The following CACNA2D1 variants were observed in gnomAD, a reference collection of about 807,000 sequenced individuals.
CACNA2D1 encodes voltage-dependent calcium channel subunit alpha-2/delta-1.
CACNA2D1 carries 53 observed loss-of-function variants against 171.5 expected under a neutral mutation model. The observed-to-expected ratio is 0.31, with a 90% CI of 0.25 to 0.39. The LOEUF (loss-of-function observed/expected upper bound fraction) is 0.39, where lower values mean the gene tolerates loss of function less well. Among genes scored for constraint, CACNA2D1 ranks in the 10% least tolerant of loss-of-function variants. CACNA2D1 has a pLI of 1.00. For synonymous variants in CACNA2D1, 442 were observed against 443.1 expected, an observed-to-expected ratio of 1.00 and a Z score of 0.03; for missense variants, 903 against 1,299.8, an observed-to-expected ratio of 0.69 and a Z score of 4.69.
At chr7:82,315,897 C>T (rs1815058708) in intron 3 of CACNA2D1, among the ~76,000 whole-genome samples, 1 of 151,810 alleles carries the variant, frequency 6.6e-6, no homozygotes, top group African/African-American at 2.4e-5. Context: ...TTAATCACTG[C>T]TTACATTTTG....
chr7:82,407,853 G>GA lies in CACNA2D1; in HGVS notation c.95+35511dup, dbSNP rs546723573. On this transcript the variant is annotated intron_variant, in intron 1 of 38. Coordinates refer to ENST00000356860, the MANE Select transcript of CACNA2D1 (RefSeq NM_000722.4). ...TGATATAGCCCATCTATCCCTGATA[G>GA]ATTAGGGATTCTATGCCTAATAGAT... Among the ~76,000 whole-genome samples, 509 of 152,130 alleles carry GA rather than the reference G, an allele frequency of 3.3e-3. 2 individuals carry two copies. The highest frequency in any genetic ancestry group is 0.012 in the African/African-American group (489 of 41,494).
At chr7:82,235,305 T>G (rs1017342198) in intron 3 of CACNA2D1, among the ~76,000 whole-genome samples, 1 of 152,148 alleles carries the variant, frequency 6.6e-6, no homozygotes, top group Admixed American at 6.6e-5. Flanking sequence ...TCCACACAAG[T>G]GCTAGTATAA....
chr7:81,986,561 GA>G (rs975980735), intron 21 of CACNA2D1, among the ~76,000 whole-genome samples: 79 of 149,744 alleles, frequency 5.3e-4, no homozygotes, highest in African/African-American at 1.8e-3. Flanking sequence ...TTCACTCTAT[GA>G]AAAGGAAAAA....
intron 3 of CACNA2D1, among the ~76,000 whole-genome samples, chr7:82,177,284 C>T (rs1259804332): frequency 6.6e-6 from 1 of 152,016 alleles, no homozygotes; most frequent in Non-Finnish European, 1.5e-5. Flanking sequence ...TTTCCCTACA[C>T]AGAGCAATCA....
At chr7:82,443,333 G>C (rs779381295) in intron 1 of CACNA2D1, 32 bp downstream of exon 1, 2 of 1,586,438 alleles carry the variant, frequency 1.3e-6, no homozygotes, top group South Asian at 1.1e-5. Context: ...GCGCCCCTCG[G>C]CCGGCGCTCC....
At chr7:82,048,777 C>T (rs1389199465) in intron 10 of CACNA2D1, among the ~76,000 whole-genome samples, 1 of 152,062 alleles carries the variant, frequency 6.6e-6, no homozygotes, top group Non-Finnish European at 1.5e-5. Flanking sequence ...GCCCAAGTCA[C>T]TCTCTTTACC....
chr7:82,203,859 G>T (rs555266696), intron 3 of CACNA2D1, among the ~76,000 whole-genome samples: 2 of 152,318 alleles, frequency 1.3e-5, no homozygotes, highest in East Asian at 1.9e-4. Context: ...CCTAATAGCA[G>T]ATGGATGCAT....
intron 3 of CACNA2D1, among the ~76,000 whole-genome samples, chr7:82,214,641 G>C (rs1800919846): frequency 6.6e-6 from 1 of 152,000 alleles, no homozygotes; most frequent in Admixed American, 6.6e-5. Flanking sequence ...TTAAAATAAT[G>C]GGCATAGTTA....
intron 24 of CACNA2D1, 53 bp downstream of exon 24, chr7:81,982,514 G>T: frequency 1.0e-6 from 1 of 979,790 alleles, no homozygotes; most frequent in Non-Finnish European, 1.7e-6. Flanking sequence ...CTGAACTACT[G>T]TTGAAGGCCT....
At chr7:82,230,712 A>G (rs1802838933) in intron 3 of CACNA2D1, among the ~76,000 whole-genome samples, 1 of 152,220 alleles carries the variant, frequency 6.6e-6, no homozygotes, top group African/African-American at 2.4e-5. Flanking sequence ...TGCAGATATT[A>G]TGCCATTTTC....
chr7:82,122,031 TGTAAA>T (rs1789799034), intron 5 of CACNA2D1, among the ~76,000 whole-genome samples: 2 of 152,128 alleles, frequency 1.3e-5, no homozygotes, highest in African/African-American at 4.8e-5. Flanking sequence ...TTAGATTCAG[TGTAAA>T]GTCTTCATGT....
chr7:82,019,846 C>G (rs928169212), intron 12 of CACNA2D1, among the ~76,000 whole-genome samples: 1 of 152,032 alleles, frequency 6.6e-6, no homozygotes, highest in African/African-American at 2.4e-5. Flanking sequence ...AAAACTTCAG[C>G]CTTCGAATCA....
intron 3 of CACNA2D1, among the ~76,000 whole-genome samples, chr7:82,264,063 T>A (rs1394281793): frequency 6.6e-6 from 1 of 152,156 alleles, no homozygotes; most frequent in Admixed American, 6.5e-5. Flanking sequence ...TTAAAAAGGA[T>A]GTTTATGTTT....
chr7:82,070,591 G>A (rs1312534206), intron 7 of CACNA2D1, among the ~76,000 whole-genome samples: 5 of 152,140 alleles, frequency 3.3e-5, no homozygotes, highest in Admixed American at 2.0e-4. Flanking sequence ...CTAGATGGAG[G>A]GAGGAAGTGT....
chr7:82,246,375 T>C (rs550771713), intron 3 of CACNA2D1, among the ~76,000 whole-genome samples: 1 of 152,142 alleles, frequency 6.6e-6, no homozygotes, highest in Non-Finnish European at 1.5e-5. Context: ...TCAATAAATA[T>C]CTGGCACCAT....
chr7:82,278,807 T>C (rs1809703264), intron 3 of CACNA2D1, among the ~76,000 whole-genome samples: 1 of 152,110 alleles, frequency 6.6e-6, no homozygotes, highest in South Asian at 2.1e-4. Context: ...AAATTTAAAT[T>C]AAACCTTAAT....
At chr7:81,997,361 A>G in intron 18 of CACNA2D1, 111 bp from the exon 19 acceptor site, 1 of 671,056 alleles carries the variant, frequency 1.5e-6, no homozygotes, top group South Asian at 1.5e-5. Context: ...CTAGGATACA[A>G]TAATTGTATA....
intron 1 of CACNA2D1, among the ~76,000 whole-genome samples, chr7:82,366,007 G>A (rs1233054298): frequency 5.9e-5 from 9 of 152,128 alleles, no homozygotes; most frequent in African/African-American, 9.7e-5. Flanking sequence ...ATGGAGAAAC[G>A]TTAGCACTGA....
intron 9 of CACNA2D1, among the ~76,000 whole-genome samples, chr7:82,062,055 T>C (rs1806998074): frequency 6.6e-6 from 1 of 152,190 alleles, no homozygotes; most frequent in African/African-American, 2.4e-5. Flanking sequence ...CTTAGTAGAA[T>C]TCAAGTTTCT....
Sources: allele counts gnomAD v4.1 joint callset (sites outside exome capture counted in the v4.1 genomes callset), GRCh38; gene constraint gnomAD v4.1.1; transcripts MANE v1.5; gene names NCBI Gene and HGNC (gene_info 2026-07-23, HGNC 2026-07-21).